The following COL4A2 variants were observed in gnomAD, a reference collection of about 807,000 sequenced individuals.
The protein encoded by COL4A2 is collagen type IV alpha 2 chain, also known as collagen alpha-2(IV) chain.
In COL4A2, 99 loss-of-function variants were observed where a neutral mutation model predicts 200.2. The observed-to-expected ratio is 0.49, with a 90% CI of 0.42 to 0.58. COL4A2 has a LOEUF of 0.58. COL4A2 is among the 20% of genes least tolerant of loss of function. COL4A2 has a pLI of 0.00. For synonymous variants in COL4A2, 897 were observed against 900.6 expected, an observed-to-expected ratio of 1.00 and a Z score of 0.07; for missense variants, 1,950 against 2,314.1, an observed-to-expected ratio of 0.84 and a Z score of 3.23.
chr13:110,322,833 A>G lies in COL4A2; in HGVS notation c.99+14710A>G, dbSNP rs139664968. On this transcript the variant is annotated intron_variant, in intron 3 of 47. Transcript: ENST00000360467. ...GATGCTGGAGTAATTTTATTAAATCAGTGTGTTATTTAACTCTTCCACGGG... is the reference window on the plus strand; with the variant it reads ...GATGCTGGAGTAATTTTATTAAATCGGTGTGTTATTTAACTCTTCCACGGG... Among the ~76,000 whole-genome samples the G allele has an allele frequency of 2.1e-4, 32 of 152,298 alleles. 2 individuals are homozygous for G. Among genetic ancestry groups the G allele is most frequent in the East Asian group, 1.7e-3 (9 of 5,174 alleles).
chr13:110,484,766 C>T (rs543288676), intron 32 of COL4A2, 139 bp from the exon 33 acceptor site: 18 of 1,254,708 alleles, frequency 1.4e-5, no homozygotes, highest in African/African-American at 4.4e-5. Context: ...GAGGCTTCTC[C>T]GGCGCCCTTG....
intron 10 of COL4A2, among the ~76,000 whole-genome samples, chr13:110,431,338 CAG>C (rs1238007403): frequency 6.6e-6 from 1 of 152,178 alleles, no homozygotes; most frequent in East Asian, 1.9e-4. Context: ...AGTTCCTTGA[CAG>C]ATACTGAGAA....
At position 110,307,492 on chromosome 13, in the gene COL4A2, A is replaced by G. The variant is rs1012426761; in HGVS notation, c.-81A>G. Reference sequence around the variant, plus strand: ...CCGGCGGGTGCTTCTGGAAGGGCCAATGCGTTCGGGCAGCAGCCCCTGAAG... The same window carrying G: ...CCGGCGGGTGCTTCTGGAAGGGCCAGTGCGTTCGGGCAGCAGCCCCTGAAG... On this transcript the variant is annotated 5_prime_UTR_variant, in exon 1 of 48. An upstream start codon of the reference 5' UTR is lost. Coordinates refer to ENST00000360467, the MANE Select transcript of COL4A2 (RefSeq NM_001846.4). The surrounding 1 kb of genome is among the most constrained non-coding windows in gnomAD (Gnocchi z 5.0). The G allele has an allele frequency of 8.8e-5, 20 of 227,500 alleles. No individual in the cohort carries two copies. The East Asian group carries it at 8.9e-4, about 10-fold the overall frequency. 14.1% of individuals were successfully genotyped at this position (227,500 alleles called of 1,614,324 possible).
intron 4 of COL4A2, among the ~76,000 whole-genome samples, chr13:110,363,699 C>T (rs534506758): frequency 6.6e-6 from 1 of 152,308 alleles, no homozygotes; most frequent in South Asian, 2.1e-4. Context: ...GAGCAGCGGT[C>T]TTGCCAAAGG....
chr13:110,333,470 A>G (rs1226733971), intron 3 of COL4A2, among the ~76,000 whole-genome samples: 1 of 152,218 alleles, frequency 6.6e-6, no homozygotes, highest in Non-Finnish European at 1.5e-5. Flanking sequence ...TGGTACCTAC[A>G]GGCTCCGTGA....
chr13:110,412,564 A>G (rs1454251860), intron 4 of COL4A2, among the ~76,000 whole-genome samples: 1 of 152,260 alleles, frequency 6.6e-6, no homozygotes, highest in Non-Finnish European at 1.5e-5. Flanking sequence ...AGAGACATTC[A>G]GTAAGCATTA....
intron 36 of COL4A2, among the ~76,000 whole-genome samples, chr13:110,490,651 C>G (rs988554608): frequency 6.6e-6 from 1 of 152,206 alleles, no homozygotes; most frequent in Admixed American, 6.5e-5. Context: ...GAGCTCTGTA[C>G]TGCTGAGCCA....
chr13:110,392,572 A>G (rs1249877698), intron 4 of COL4A2, among the ~76,000 whole-genome samples: 2 of 152,098 alleles, frequency 1.3e-5, no homozygotes, highest in East Asian at 3.9e-4. Context: ...TCACCCAAAA[A>G]TGTATTGTGC....
intron 4 of COL4A2, among the ~76,000 whole-genome samples, chr13:110,385,481 G>A (rs1878663502): frequency 6.6e-6 from 1 of 151,294 alleles, no homozygotes; most frequent in Admixed American, 6.6e-5. Flanking sequence ...TGGTTACAGT[G>A]TGTGGATAGG....
chr13:110,462,741 C>G (rs990185389), intron 24 of COL4A2, among the ~76,000 whole-genome samples: 3 of 152,092 alleles, frequency 2.0e-5, no homozygotes, highest in African/African-American at 7.2e-5. Flanking sequence ...TTCATTTTTG[C>G]AACAAACACA....
chr13:110,317,011 C>G (rs1212750940), intron 3 of COL4A2, among the ~76,000 whole-genome samples: 1 of 152,054 alleles, frequency 6.6e-6, no homozygotes, highest in Non-Finnish European at 1.5e-5. Flanking sequence ...TACTCACACA[C>G]ACACAGACAC....
intron 34 of COL4A2, among the ~76,000 whole-genome samples, chr13:110,488,458 G>A (rs1218651064): frequency 6.6e-6 from 1 of 152,148 alleles, no homozygotes; most frequent in African/African-American, 2.4e-5. Context: ...CTCTGGAGGG[G>A]AAAACTAGGG....
chr13:110,385,452 G>A (rs61963174), intron 4 of COL4A2, among the ~76,000 whole-genome samples: 4,272 of 53,336 alleles, frequency 0.08, 502 homozygotes, highest in East Asian at 0.11. Context: ...GACCGTGGCT[G>A]CAGTGTGTGG....
At chr13:110,421,783 T>C (rs148636932) in intron 4 of COL4A2, among the ~76,000 whole-genome samples, 124 of 152,358 alleles carry the variant, frequency 8.1e-4, no homozygotes, top group African/African-American at 2.8e-3. Context: ...ACTAGAGTTT[T>C]TCATTCCAAA....
chr13:110,512,348 C>T lies in COL4A2; in HGVS notation c.*157C>T, dbSNP rs1884117096. The T allele has an allele frequency of 7.7e-7, 1 of 1,297,026 alleles. No homozygotes were observed. Among genetic ancestry groups the T allele is most frequent in the Non-Finnish European group, 1.0e-6 (1 of 975,556 alleles). 80.3% of individuals were successfully genotyped at this position (1,297,026 alleles called of 1,614,324 possible). A position where few individuals can be genotyped will look rare whatever the true frequency, so the allele number is the denominator to read the frequency against. ...AGCACTTAGACCTGCCAGCCACTGT[C>T]ACCGAGCGGGTGCAAGCACTCGGGG... On this transcript the variant is annotated 3_prime_UTR_variant, in exon 48 of 48. Transcript: ENST00000360467.
intron 3 of COL4A2, among the ~76,000 whole-genome samples, chr13:110,313,536 G>A (rs1456418058): frequency 2.3e-5 from 3 of 129,544 alleles, no homozygotes; most frequent in South Asian, 2.5e-4. Flanking sequence ...CTCCCACCCC[G>A]GTGCCCCGCG....
At chr13:110,431,327 C>T (rs939591756) in intron 10 of COL4A2, among the ~76,000 whole-genome samples, 5 of 152,166 alleles carry the variant, frequency 3.3e-5, no homozygotes, top group African/African-American at 1.2e-4. Flanking sequence ...ACACTAACAC[C>T]AGTTCCTTGA....
chr13:110,497,232 G>A (rs1430075173), intron 40 of COL4A2, among the ~76,000 whole-genome samples: 2 of 151,156 alleles, frequency 1.3e-5, no homozygotes, highest in Non-Finnish European at 2.9e-5. Flanking sequence ...GTCACTCAGG[G>A]GTGAAGATCT....
intron 4 of COL4A2, among the ~76,000 whole-genome samples, chr13:110,414,334 G>A (rs1245103412): frequency 6.6e-6 from 1 of 152,112 alleles, no homozygotes; most frequent in Admixed American, 6.5e-5. Context: ...AAAAAACAAG[G>A]AAAAAGAAAA....
Sources: allele counts gnomAD v4.1 joint callset (sites outside exome capture counted in the v4.1 genomes callset), GRCh38; gene constraint gnomAD v4.1.1; non-coding constraint Gnocchi (gnomAD v3.1); transcripts MANE v1.5; gene names NCBI Gene and HGNC (gene_info 2026-07-23, HGNC 2026-07-21).